Variants in CDHR1 observed in about 807,000 individuals in gnomAD.
CDHR1 encodes cadherin-related family member 1.
Under a neutral mutation model 72.1 loss-of-function variants are expected in CDHR1, and 61 were observed. The observed-to-expected ratio is 0.85, with a 90% CI of 0.69 to 1.05. CDHR1 has a LOEUF of 1.05. Ranked by LOEUF, CDHR1 falls within the 50% of genes least tolerant of loss-of-function variation. The pLI, the probability that CDHR1 is intolerant of heterozygous loss-of-function variation, is 0.00. For missense variants in CDHR1, 1,186 were observed against 1,115.7 expected, an observed-to-expected ratio of 1.06 and a Z score of -0.90; for synonymous variants, 470 against 448.1, an observed-to-expected ratio of 1.05 and a Z score of -0.62.
chr10:84,197,813 A>G lies in CDHR1; in HGVS notation c.325A>G (p.Ser109Gly). ...EREDEIEAII[S>G]ISDGLNLVAE... ...GGAAGATGAGATTGAAGCCATCATC[A>G]GCATTTCTGATGGCCTGAATCTGGT... The change falls in exon 4 of 17, where the codon AGC (serine) becomes GGC (glycine). Residue 109 changes from serine (S) to glycine (G), a missense_variant. Transcript: ENST00000623527. 2 of 1,614,088 alleles carry G rather than the reference A, an allele frequency of 1.2e-6. No homozygotes were observed. The highest frequency in any genetic ancestry group is 2.7e-5 in the African/African-American group (2 of 75,056).
chr10:84,203,200 T>A (rs1842162658), intron 8 of CDHR1, 77 bp downstream of exon 8: 3 of 1,576,508 alleles, frequency 1.9e-6, no homozygotes, highest in Non-Finnish European at 2.6e-6. Flanking sequence ...AGGGACCCCC[T>A]GCTGGAGATG....
At chr10:84,208,131 G>A in intron 10 of CDHR1, 43 bp from the exon 11 acceptor site, 2 of 1,555,802 alleles carry the variant, frequency 1.3e-6, no homozygotes, top group Non-Finnish European at 1.8e-6. Context: ...CCATATGAAG[G>A]GTCCACCTGC....
At chr10:84,204,821 G>A (rs886634640) in intron 9 of CDHR1, among the ~76,000 whole-genome samples, 1 of 152,200 alleles carries the variant, frequency 6.6e-6, no homozygotes, top group Non-Finnish European at 1.5e-5. Context: ...GCATGGGGCA[G>A]GGGCGCTGAG....
chr10:84,214,015 A>G, intron 16 of CDHR1, 67 bp from the exon 17 acceptor site: 2 of 1,605,284 alleles, frequency 1.2e-6, no homozygotes, highest in Non-Finnish European at 1.7e-6. Flanking sequence ...AAGGAAGCAC[A>G]TACCTACTCT....
In CDHR1 at chr10:84,213,931, G is replaced by C. The variant is rs926988714; in HGVS notation, c.2041-151G>C. ...TGCTCTCTCTGTGTGCATTTTCCTG[G>C]ACAAAAGCCCATAGTGCCTATCAGA... On this transcript the variant is annotated intron_variant, in intron 16 of 16. Transcript: ENST00000623527. 60 of 1,013,042 alleles carry C rather than the reference G, an allele frequency of 5.9e-5. No individual in the cohort carries two copies. In the African/African-American group the frequency reaches 7.6e-4, roughly 13 times the overall value. 62.8% of individuals were successfully genotyped at this position (1,013,042 alleles called of 1,614,324 possible).
chr10:84,208,116 C>T, intron 10 of CDHR1, 58 bp from the exon 11 acceptor site: 2 of 1,441,014 alleles, frequency 1.4e-6, no homozygotes, highest in Non-Finnish European at 2.0e-6. Flanking sequence ...GAGGTAGGAG[C>T]TGGACCATAT....
At chr10:84,213,025 G>T in intron 15 of CDHR1, 66 bp from the exon 16 acceptor site, 1 of 1,607,316 alleles carries the variant, frequency 6.2e-7, no homozygotes, top group Non-Finnish European at 8.5e-7. Flanking sequence ...ATGACGTGCT[G>T]ATTTAGCCAG....
In CDHR1 at chr10:84,204,714, C is replaced by T. The variant is rs984736133; in HGVS notation, c.862+109C>T. ...TCCCTCACCTGTAGGACCAGGATTA[C>T]AAGATGTATGGAGAGGAAGGGCTGT... On this transcript the variant is annotated intron_variant, in intron 9 of 16. Transcript: ENST00000623527. 6.4e-6 allele frequency: 5 copies of T among 784,278 alleles called. No homozygotes were observed. In the African/African-American group the frequency reaches 8.5e-5, roughly 13 times the overall value. The allele number at this position is 784,278 out of a possible 1,614,324, so 48.6% of individuals were successfully genotyped here.
chr10:84,195,688 C>T (rs970616879), intron 2 of CDHR1, 99 bp downstream of exon 2: 4 of 958,012 alleles, frequency 4.2e-6, no homozygotes, highest in Non-Finnish European at 6.6e-6. Context: ...TTGCTGCGCG[C>T]GCCCGGGGGC....
chr10:84,212,231 C>T lies in CDHR1; in HGVS notation c.1606C>T (p.Leu536=). The change falls in exon 15 of 17, where the codon CTG becomes TTG. Residue 536 remains leucine (L), a synonymous_variant. Coordinates refer to ENST00000623527, the MANE Select transcript of CDHR1 (RefSeq NM_033100.4). ...TATCTACACCCAGCCCTGGGCTAGC[C>T]TGGACGCTGAGGCCACTGCCAGGTA... ...GLIYTQPWAS[L]DAEATARYNF... is the part of the protein sequence containing the mutation. 6.2e-7 allele frequency: 1 copy of T among 1,614,252 alleles called. No individual in the cohort carries two copies. The highest frequency in any genetic ancestry group is 8.5e-7 in the Non-Finnish European group (1 of 1,180,048).
At chr10:84,218,789 A>C (rs1019424394), downstream of CDHR1, 16 of 1,000,038 alleles carry the variant, frequency 1.6e-5, no homozygotes, top group African/African-American at 2.0e-4. Context: ...TATATTTATA[A>C]GTATACACAC....
Position 84,195,586 on chromosome 10 carries a change from G to A in CDHR1, c.148G>A (p.Val50Ile), listed in dbSNP as rs756714972. The change falls in exon 2 of 17, where the codon GTA (valine) becomes ATA (isoleucine). Residue 50 changes from valine (V) to isoleucine (I), a missense_variant. Coordinates refer to ENST00000623527, the MANE Select transcript of CDHR1 (RefSeq NM_033100.4). ...GTTCAGCCTCCCAGAGGACACCCCT[G>A]TAGGTGAGTAGCCCTGGCACCTGCT... ...ALFSLPEDTP[V>I]GSHVYTLNGT... is the part of the protein sequence containing the mutation. The A allele has an allele frequency of 8.7e-6, 14 of 1,613,136 alleles. No homozygotes were observed. The Admixed American group carries it at 1.8e-4, about 21-fold the overall frequency.
chr10:84,197,209 G>T (rs1439385186), intron 3 of CDHR1, among the ~76,000 whole-genome samples: 1 of 152,144 alleles, frequency 6.6e-6, no homozygotes, highest in African/African-American at 2.4e-5. Flanking sequence ...TGCAGGACAG[G>T]GTAGAGAAAG....
chr10:84,213,064 G>T, intron 15 of CDHR1, 27 bp from the exon 16 acceptor site: 1 of 1,614,186 alleles, frequency 6.2e-7, no homozygotes, highest in Non-Finnish European at 8.5e-7. Flanking sequence ...CCAAAGCCCA[G>T]CTCTGTCTGT....
At chr10:84,206,742 G>A (rs968248499) in intron 10 of CDHR1, among the ~76,000 whole-genome samples, 15 of 152,160 alleles carry the variant, frequency 9.9e-5, no homozygotes, top group Non-Finnish European at 1.5e-4. Flanking sequence ...AGGAATCTGC[G>A]TATTATAAGC....
intron 1 of CDHR1, 118 bp from the exon 2 acceptor site, chr10:84,195,376 G>C (rs41308661): frequency 0.031 from 29,022 of 947,012 alleles, 549 homozygotes; most frequent in Non-Finnish European, 0.039. Flanking sequence ...TTGGGGAGGC[G>C]GAGCGCCCTC....
intron 4 of CDHR1, among the ~76,000 whole-genome samples, chr10:84,198,485 T>C (rs577987344): frequency 9.9e-5 from 15 of 152,242 alleles, no homozygotes; most frequent in Non-Finnish European, 1.8e-4. Context: ...CAGCTCACCA[T>C]GCATTTCACT....
intron 11 of CDHR1, among the ~76,000 whole-genome samples, 158 bp from the exon 12 acceptor site, chr10:84,208,571 T>C (rs1842272293): frequency 6.6e-6 from 1 of 152,202 alleles, no homozygotes; most frequent in Admixed American, 6.5e-5. Flanking sequence ...CTGCTTAGCC[T>C]AAAGGCACTC....
chr10:84,212,989 T>C (rs1842362407), intron 15 of CDHR1, 102 bp from the exon 16 acceptor site: 2 of 1,443,372 alleles, frequency 1.4e-6, no homozygotes, highest in South Asian at 1.2e-5. Flanking sequence ...ATCAGGACCA[T>C]TTCCCATCAA....
Sources: gnomAD v4.1 joint callset for allele counts (sites outside exome capture counted in the v4.1 genomes callset) on GRCh38, gnomAD v4.1.1 for gene constraint, MANE v1.5 for transcripts, NCBI Gene and HGNC (gene_info 2026-07-23, HGNC 2026-07-21) for gene names.